Variants in FDCSP observed in about 807,000 individuals in gnomAD.
The protein encoded by FDCSP is follicular dendritic cell secreted protein, also known as follicular dendritic cell secreted peptide.
Under a neutral mutation model 8.9 loss-of-function variants are expected in FDCSP, and 8 were observed. The ratio of observed to expected loss-of-function variants is 0.90; its 90% CI spans 0.53 to 1.63. The LOEUF is 1.63. FDCSP is among the 40% of genes most tolerant of loss of function. The pLI is 0.00. For synonymous variants in FDCSP, 34 were observed against 34.5 expected (o/e 0.98, Z 0.06); for missense variants, 101 against 103.6 (o/e 0.98, Z 0.11).
chr4:70,228,752 G>C (rs1730030994), intron 1 of FDCSP, among the ~76,000 whole-genome samples: 1 of 151,578 alleles, frequency 6.6e-6, no homozygotes, highest in South Asian at 2.1e-4. Flanking sequence ...AGAGTTCTTG[G>C]GGGCTCAGGT....
chr4:70,227,689 C>A (rs1730010881), intron 1 of FDCSP, among the ~76,000 whole-genome samples: 1 of 151,540 alleles, frequency 6.6e-6, no homozygotes, highest in Non-Finnish European at 1.5e-5. Flanking sequence ...TTCAGAGATA[C>A]TGCAGGTTCA....
intron 3 of FDCSP, among the ~76,000 whole-genome samples, chr4:70,233,353 C>CA (rs1400109876): frequency 2.6e-5 from 4 of 151,536 alleles, no homozygotes; most frequent in African/African-American, 4.8e-5. Flanking sequence ...AAACTCATTT[C>CA]AAAAAAAGTA....
intron 4 of FDCSP, among the ~76,000 whole-genome samples, chr4:70,234,543 A>T (rs1414992613): frequency 6.6e-6 from 1 of 151,700 alleles, no homozygotes; most frequent in East Asian, 1.9e-4. Flanking sequence ...GAATCAGAGT[A>T]ACCAAGGTGG....
chr4:70,233,938 C>A, intron 3 of FDCSP, 82 bp from the exon 4 acceptor site: 6 of 1,307,868 alleles, frequency 4.6e-6, no homozygotes, highest in South Asian at 1.6e-5. Flanking sequence ...AAATAAAGGC[C>A]CATTATTTAA....
intron 2 of FDCSP, among the ~76,000 whole-genome samples, chr4:70,232,566 A>G (rs965016861): frequency 2.0e-5 from 3 of 151,540 alleles, no homozygotes; most frequent in South Asian, 2.1e-4. Context: ...CCCATTTCTC[A>G]TAACTTATCT....
chr4:70,228,555 G>A (rs1418035414), intron 1 of FDCSP, among the ~76,000 whole-genome samples: 1 of 151,694 alleles, frequency 6.6e-6, no homozygotes, highest in African/African-American at 2.4e-5. Context: ...TTTTACAGAA[G>A]GTTTTTAATT....
chr4:70,227,881 C>T (rs531388591), intron 1 of FDCSP, among the ~76,000 whole-genome samples: 1 of 151,900 alleles, frequency 6.6e-6, no homozygotes, highest in South Asian at 2.1e-4. Flanking sequence ...CTCAAAAATG[C>T]TAACAATTAT....
In FDCSP at chr4:70,234,071, T is replaced by C. The variant is rs745331507; in HGVS notation, c.142T>C (p.Tyr48His). 8 of 1,611,118 alleles carry C rather than the reference T, an allele frequency of 5.0e-6. No individual in the cohort carries two copies. The highest frequency in any genetic ancestry group is 2.7e-5 in the African/African-American group (2 of 74,766). Reference sequence around the variant, plus strand: ...AGGGTTTTTTGTGTTCCCTTACCCATATCCATTTCGCCCACTTCCACCAAT... The same window carrying C: ...AGGGTTTTTTGTGTTCCCTTACCCACATCCATTTCGCCCACTTCCACCAAT... ...ASGFFVFPYP[Y>H]PFRPLPPIPF... The change falls in exon 4 of 5, where the codon TAT becomes CAT. Residue 48 changes from tyrosine to histidine, a missense_variant. Physicochemically the swap from Tyr to His is moderately conservative, Grantham distance 83. Coordinates refer to ENST00000317987, the MANE Select transcript of FDCSP (RefSeq NM_152997.4).
At chr4:70,229,834 ATAT>A (rs1730050278) in intron 1 of FDCSP, among the ~76,000 whole-genome samples, 1 of 151,750 alleles carries the variant, frequency 6.6e-6, no homozygotes, top group Admixed American at 6.6e-5. Context: ...ATATAATAAA[ATAT>A]TATTACATCT....
chr4:70,232,888 GTTA>G lies in FDCSP; in HGVS notation c.58-101_58-99del, dbSNP rs922149586. The G allele has an allele frequency of 2.7e-4, 266 of 976,818 alleles. 1 individual carries two copies. In the African/African-American group the frequency reaches 4.0e-3, roughly 15 times the overall value. 60.5% of individuals were successfully genotyped at this position (976,818 alleles called of 1,614,324 possible). On this transcript the variant is annotated intron_variant, in intron 2 of 4. Coordinates refer to ENST00000317987, the MANE Select transcript of FDCSP (RefSeq NM_152997.4). ...CAAATTATGGGTATTTTAAAAAATGGTTATTATGAAACAATATTAGGTAATAGA... is the reference window on the plus strand; with the variant it reads ...CAAATTATGGGTATTTTAAAAAATGGTTATGAAACAATATTAGGTAATAGA...
intron 1 of FDCSP, among the ~76,000 whole-genome samples, chr4:70,229,842 A>ACAT (rs928358054): frequency 5.3e-5 from 8 of 151,754 alleles, no homozygotes; most frequent in Admixed American, 1.3e-4. Flanking sequence ...AAATATTATT[A>ACAT]CATCTTTATA....
intron 4 of FDCSP, among the ~76,000 whole-genome samples, chr4:70,234,805 A>T (rs1730148781): frequency 6.6e-6 from 1 of 150,786 alleles, no homozygotes; most frequent in Admixed American, 6.6e-5. Context: ...TAGACTATAG[A>T]TCTAATCTAC....
chr4:70,231,170 A>AT, intron 1 of FDCSP, 25 bp from the exon 2 acceptor site: 1 of 1,573,148 alleles, frequency 6.4e-7, no homozygotes, highest in Non-Finnish European at 8.7e-7. Flanking sequence ...AGTTCTTCTT[A>AT]TTTTTTATTT....
chr4:70,232,711 G>T (rs1730106829), intron 2 of FDCSP, among the ~76,000 whole-genome samples: 1 of 151,328 alleles, frequency 6.6e-6, no homozygotes, highest in African/African-American at 2.4e-5. Flanking sequence ...CCTAACACCT[G>T]CCCTTTTATC....
At position 70,235,124 on chromosome 4, in the gene FDCSP, C is replaced by T. The variant is rs543976698; in HGVS notation, c.*68C>T. The T allele has an allele frequency of 1.3e-5, 2 of 151,664 alleles. No homozygotes were observed. Among genetic ancestry groups the T allele is most frequent in the African/African-American group, 4.8e-5 (2 of 41,352 alleles). 9.4% of individuals were successfully genotyped at this position (151,664 alleles called of 1,614,324 possible). The stretch of plus-strand genomic sequence containing the variant: ...AAATTGAGCCACTTCCTTGAAGAAT[C>T]AAAATTCCTGTTAATAAAAGAAAAA... On this transcript the variant is annotated 3_prime_UTR_variant, in exon 5 of 5. Coordinates refer to ENST00000317987, the MANE Select transcript of FDCSP (RefSeq NM_152997.4).
At chr4:70,226,551 G>A (rs1000097984) in intron 1 of FDCSP, among the ~76,000 whole-genome samples, 8 of 151,718 alleles carry the variant, frequency 5.3e-5, no homozygotes, top group South Asian at 2.1e-4. Flanking sequence ...AATACGCCCC[G>A]CCAGAGATTC....
intron 2 of FDCSP, among the ~76,000 whole-genome samples, chr4:70,231,881 A>T (rs760427227): frequency 2.0e-5 from 3 of 151,700 alleles, no homozygotes; most frequent in Non-Finnish European, 4.4e-5. Flanking sequence ...GAAAGCAGTG[A>T]CATTGATGAC....
chr4:70,233,836 T>C (rs1730128032), intron 3 of FDCSP, among the ~76,000 whole-genome samples, 184 bp from the exon 4 acceptor site: 1 of 151,650 alleles, frequency 6.6e-6, no homozygotes, highest in Admixed American at 6.6e-5. Context: ...TATCTCTAAA[T>C]AATTTTTAAA....
intron 1 of FDCSP, among the ~76,000 whole-genome samples, 192 bp downstream of exon 1, chr4:70,226,374 CT>C (rs149616519): frequency 2.0e-5 from 3 of 151,756 alleles, no homozygotes. Context: ...GTTTGCAAAA[CT>C]TTTTTTAAAA....
Sources: gnomAD v4.1 joint callset for allele counts (sites outside exome capture counted in the v4.1 genomes callset) on GRCh38, gnomAD v4.1.1 for gene constraint, MANE v1.5 for transcripts, NCBI Gene and HGNC (gene_info 2026-07-23, HGNC 2026-07-21) for gene names.